The following PDSS2 variants were observed in gnomAD, a reference collection of about 807,000 sequenced individuals.
The protein encoded by PDSS2 is decaprenyl diphosphate synthase subunit 2, also known as all trans-polyprenyl-diphosphate synthase PDSS2.
In PDSS2, 31 loss-of-function variants were observed where a neutral mutation model predicts 44.5. That is an observed-to-expected ratio of 0.70 (90% CI 0.52 to 0.94). PDSS2 has a LOEUF of 0.94. Among genes scored for constraint, PDSS2 ranks in the 40% least tolerant of loss-of-function variants. The pLI is 0.00. For synonymous variants in PDSS2, 157 were observed against 180.3 expected, an observed-to-expected ratio of 0.87 and a Z score of 1.03; for missense variants, 452 against 482.2, an observed-to-expected ratio of 0.94 and a Z score of 0.59.
chr6:107,410,327 T>G (rs908351748), intron 1 of PDSS2, among the ~76,000 whole-genome samples: 3 of 152,190 alleles, frequency 2.0e-5, no homozygotes, highest in Admixed American at 1.3e-4. Flanking sequence ...TCCACCCCAC[T>G]GGTAATCAAT....
chr6:107,168,815 C>T (rs1308717956), intron 7 of PDSS2, among the ~76,000 whole-genome samples: 3 of 152,096 alleles, frequency 2.0e-5, no homozygotes, highest in South Asian at 4.2e-4. Context: ...CCCACTCTCT[C>T]CTGGCTTGTA....
At chr6:107,396,376 C>G (rs1411984365) in intron 1 of PDSS2, among the ~76,000 whole-genome samples, 1 of 152,304 alleles carries the variant, frequency 6.6e-6, no homozygotes, top group South Asian at 2.1e-4. Context: ...AAGTTGCCTC[C>G]AGGCAGAAAG....
chr6:107,315,012 G>A (rs1225587437), intron 2 of PDSS2, among the ~76,000 whole-genome samples: 1 of 152,072 alleles, frequency 6.6e-6, no homozygotes, highest in African/African-American at 2.4e-5. Context: ...AGTTAATGAA[G>A]TACCAACCTG....
At chr6:107,402,509 T>TATATATTTATACATATATATAC (rs1780169203) in intron 1 of PDSS2, among the ~76,000 whole-genome samples, 1 of 119,568 alleles carries the variant, frequency 8.4e-6, no homozygotes, top group East Asian at 2.3e-4. Flanking sequence ...TACATATATA[T>TATATATTTATACATATATATAC]ACACACACAT....
At chr6:107,321,734 C>A (rs1184150047) in intron 2 of PDSS2, among the ~76,000 whole-genome samples, 1 of 152,220 alleles carries the variant, frequency 6.6e-6, no homozygotes, top group African/African-American at 2.4e-5. Flanking sequence ...TGACTTCAAT[C>A]ATGTGAATTG....
At chr6:107,417,781 ACACACAC>A (rs1562526471) in intron 1 of PDSS2, among the ~76,000 whole-genome samples, 1 of 3,204 alleles carries the variant, frequency 3.1e-4, no homozygotes, top group Non-Finnish European at 7.1e-4. Flanking sequence ...ATAATAATAC[ACACACAC>A]ACACACACAC....
At chr6:107,250,216 A>T (rs1395406341) in intron 3 of PDSS2, among the ~76,000 whole-genome samples, 1 of 151,172 alleles carries the variant, frequency 6.6e-6, no homozygotes, top group Non-Finnish European at 1.5e-5. Flanking sequence ...ATTGCTATCC[A>T]AAGATGTCTG....
intron 1 of PDSS2, among the ~76,000 whole-genome samples, chr6:107,455,858 A>C (rs1347607729): frequency 6.6e-6 from 1 of 152,094 alleles, no homozygotes; most frequent in Non-Finnish European, 1.5e-5. Flanking sequence ...ATGAGAGTAT[A>C]AACTGGTACA....
intron 1 of PDSS2, among the ~76,000 whole-genome samples, chr6:107,431,651 G>C (rs1267945388): frequency 2.0e-5 from 3 of 151,838 alleles, no homozygotes; most frequent in Non-Finnish European, 4.4e-5. Context: ...ATATTTTTGT[G>C]GGTTCCTAAA....
intron 4 of PDSS2, among the ~76,000 whole-genome samples, chr6:107,239,642 T>C (rs1378279012): frequency 7.3e-6 from 1 of 137,888 alleles, no homozygotes. Flanking sequence ...ACCTTTTTTT[T>C]TTTTTTTTTT....
intron 3 of PDSS2, among the ~76,000 whole-genome samples, chr6:107,255,110 C>T (rs576826167): frequency 4.0e-5 from 6 of 151,708 alleles, no homozygotes; most frequent in Admixed American, 3.9e-4. Flanking sequence ...ACTTTGTATT[C>T]CCAAAGTGCT....
intron 1 of PDSS2, among the ~76,000 whole-genome samples, chr6:107,413,633 T>G (rs1415839114): frequency 6.6e-6 from 1 of 152,104 alleles, no homozygotes; most frequent in Non-Finnish European, 1.5e-5. Context: ...CCCGGCTAAT[T>G]TTTGTATTTT....
intron 2 of PDSS2, among the ~76,000 whole-genome samples, chr6:107,288,828 C>T (rs1347893250): frequency 2.2e-5 from 3 of 137,538 alleles, no homozygotes; most frequent in East Asian, 2.3e-4. Context: ...GGTACGATCT[C>T]GGCTCACTGC....
At chr6:107,395,022 A>G (rs1464110891) in intron 1 of PDSS2, among the ~76,000 whole-genome samples, 1 of 152,172 alleles carries the variant, frequency 6.6e-6, no homozygotes, top group Non-Finnish European at 1.5e-5. Context: ...GATTTGTCAA[A>G]AAAGTATTTC....
At chr6:107,396,297 CTA>C (rs1486035087) in intron 1 of PDSS2, among the ~76,000 whole-genome samples, 3 of 152,210 alleles carry the variant, frequency 2.0e-5, no homozygotes, top group African/African-American at 7.2e-5. Context: ...AAACTTTAAT[CTA>C]TGTCTCCCAC....
chr6:107,179,238 C>T (rs1771891173), intron 7 of PDSS2, among the ~76,000 whole-genome samples: 1 of 152,116 alleles, frequency 6.6e-6, no homozygotes, highest in Admixed American at 6.5e-5. Flanking sequence ...AATCAATCTT[C>T]AGAGGTACAG....
intron 3 of PDSS2, among the ~76,000 whole-genome samples, chr6:107,253,537 C>A (rs867202667): frequency 3.9e-5 from 6 of 152,306 alleles, no homozygotes; most frequent in Middle Eastern, 3.4e-3. Context: ...GTTGCAAGAC[C>A]TTGGGCCAAC....
At chr6:107,281,540 A>T (rs1299254737) in intron 2 of PDSS2, among the ~76,000 whole-genome samples, 1 of 152,222 alleles carries the variant, frequency 6.6e-6, no homozygotes, top group Non-Finnish European at 1.5e-5. Context: ...GTCCTGTATC[A>T]TTTAGAAGTA....
chr6:107,167,232 T>A (rs147284186), intron 7 of PDSS2, among the ~76,000 whole-genome samples: 57,978 of 151,944 alleles, frequency 0.38, 11,495 homozygotes, highest in Non-Finnish European at 0.44. Flanking sequence ...CAGGAATTTA[T>A]GCATTTCTTC....
Sources: allele counts gnomAD v4.1 joint callset (sites outside exome capture counted in the v4.1 genomes callset), GRCh38; gene constraint gnomAD v4.1.1; transcripts MANE v1.5; gene names NCBI Gene and HGNC (gene_info 2026-07-23, HGNC 2026-07-21).